Variants in GALNT10 observed in about 807,000 individuals in gnomAD.
The protein encoded by GALNT10 is polypeptide N-acetylgalactosaminyltransferase 10.
In GALNT10, 41 loss-of-function variants were observed where a neutral mutation model predicts 75.0. The ratio of observed to expected loss-of-function variants is 0.55; its 90% CI spans 0.43 to 0.71. The LOEUF (loss-of-function observed/expected upper bound fraction) is 0.71, where lower values mean the gene tolerates loss of function less well. Among genes scored for constraint, GALNT10 ranks in the 30% least tolerant of loss-of-function variants. The pLI is 0.00. For missense variants in GALNT10, 727 were observed against 818.5 expected (o/e 0.89, Z 1.36); for synonymous variants, 302 against 313.0 (o/e 0.96, Z 0.37).
In GALNT10 at chr5:154,293,612, TA is replaced by T. The variant is rs1427981850; in HGVS notation, c.160-1203del. Among the ~76,000 whole-genome samples the T allele has an allele frequency of 3.5e-3, 342 of 97,810 alleles. 10 individuals are homozygous for T. The highest frequency in any genetic ancestry group is 0.013 in the African/African-American group (321 of 23,920). 64.2% of individuals were successfully genotyped at this position (97,810 alleles called of 152,430 possible). ...TGGGGCTGATATATATATATATATATATTTTTTTTTTCCTTTCAGCCATTCA... is the reference window on the plus strand; with the variant it reads ...TGGGGCTGATATATATATATATATATTTTTTTTTTTCCTTTCAGCCATTCA... On this transcript the variant is annotated intron_variant, in intron 1 of 11. Coordinates refer to ENST00000297107, the MANE Select transcript of GALNT10 (RefSeq NM_198321.4).
At chr5:154,192,721 A>T (rs549525578) in intron 1 of GALNT10, among the ~76,000 whole-genome samples, 1 of 152,254 alleles carries the variant, frequency 6.6e-6, no homozygotes, top group African/African-American at 2.4e-5. Flanking sequence ...GAGGCTCCAT[A>T]CTGGACACAG....
intron 1 of GALNT10, among the ~76,000 whole-genome samples, chr5:154,280,731 T>C (rs1754027383): frequency 6.6e-6 from 1 of 152,216 alleles, no homozygotes; most frequent in Admixed American, 6.5e-5. Flanking sequence ...TTTTCTCACA[T>C]ACTTTCTTCT....
chr5:154,314,147 C>T lies in GALNT10; in HGVS notation c.402-15425C>T, dbSNP rs545092303. ...GTACCAGGTGCATTCACATATGGCA[C>T]CTCTTTTATTCCTTGTGACAGCCTT... On this transcript the variant is annotated intron_variant, in intron 3 of 11. Coordinates refer to ENST00000297107, the MANE Select transcript of GALNT10 (RefSeq NM_198321.4). 3.2e-4 allele frequency among the ~76,000 whole-genome samples: 48 copies of T among 152,228 alleles called. No homozygotes were observed. The South Asian group carries it at 9.7e-3, about 31-fold the overall frequency.
intron 4 of GALNT10, among the ~76,000 whole-genome samples, chr5:154,362,554 A>G (rs1755407010): frequency 6.6e-6 from 1 of 152,210 alleles, no homozygotes; most frequent in African/African-American, 2.4e-5. Context: ...AGGAGCTCAG[A>G]GGTTAAAGGA....
rs1756525852 is a variant in GALNT10, at chr5:154,416,962, A to G, written c.1802A>G (p.Asn601Ser). 4 of 1,614,152 alleles carry G rather than the reference A, an allele frequency of 2.5e-6. No individual in the cohort carries two copies. The African/African-American group carries it at 4.0e-5, about 16-fold the overall frequency. Residue 601 changes from asparagine to serine, a missense_variant, in exon 12 of 12, where the codon AAT (asparagine) becomes AGT (serine). Transcript: ENST00000297107. This position sits in a 1 kb window ranked among gnomAD's most constrained non-coding sequence, Gnocchi z 4.5. ...AACTCAACAGTCTTGGAAAAATTCA[A>G]TAGGAACTGAGCCCTCATGTCCCCT... ...HTNSTVLEKF[N>S]RN
chr5:154,315,561 C>T (rs1754583954), intron 3 of GALNT10, among the ~76,000 whole-genome samples: 1 of 152,222 alleles, frequency 6.6e-6, no homozygotes, highest in Non-Finnish European at 1.5e-5. Context: ...GTTGTGTCCT[C>T]AAGAAAGAGA....
intron 5 of GALNT10, among the ~76,000 whole-genome samples, chr5:154,379,667 A>G (rs1755704730): frequency 6.6e-6 from 1 of 152,238 alleles, no homozygotes; most frequent in Non-Finnish European, 1.5e-5. Context: ...TAGGTTGGAC[A>G]GACTCGATTT....
At chr5:154,382,493 G>A (rs1051558158) in intron 6 of GALNT10, among the ~76,000 whole-genome samples, 1 of 152,152 alleles carries the variant, frequency 6.6e-6, no homozygotes, top group Non-Finnish European at 1.5e-5. Context: ...CCAACACCAG[G>A]AGTAACTAAC....
intron 1 of GALNT10, among the ~76,000 whole-genome samples, chr5:154,290,699 C>T (rs1206916494): frequency 6.6e-6 from 1 of 152,118 alleles, no homozygotes; most frequent in Non-Finnish European, 1.5e-5. Context: ...AATTGAGGTA[C>T]CTGTGACTCC....
chr5:154,274,272 C>T (rs1281456403), intron 1 of GALNT10, among the ~76,000 whole-genome samples: 3 of 152,150 alleles, frequency 2.0e-5, no homozygotes, highest in Non-Finnish European at 2.9e-5. Flanking sequence ...CCAGGTAAAA[C>T]TGAACCTGGG....
intron 7 of GALNT10, among the ~76,000 whole-genome samples, chr5:154,400,134 T>A (rs1481056043): frequency 2.6e-5 from 4 of 152,000 alleles, no homozygotes; most frequent in African/African-American, 9.7e-5. Context: ...GGAGACCCTG[T>A]CTCGAAAAGA....
chr5:154,342,189 G>A (rs918379632), intron 4 of GALNT10, among the ~76,000 whole-genome samples: 2 of 152,190 alleles, frequency 1.3e-5, no homozygotes, highest in African/African-American at 2.4e-5. Flanking sequence ...TTATGGGAAT[G>A]AGATGAAATT....
chr5:154,311,148 T>C (rs569466027), intron 3 of GALNT10, among the ~76,000 whole-genome samples: 104 of 152,344 alleles, frequency 6.8e-4, no homozygotes, highest in African/African-American at 2.4e-3. Context: ...TTTTATTATT[T>C]CTGCAAACAG....
chr5:154,279,802 G>A (rs1362015295), intron 1 of GALNT10, among the ~76,000 whole-genome samples: 1 of 151,998 alleles, frequency 6.6e-6, no homozygotes, highest in East Asian at 1.9e-4. Flanking sequence ...TGCCCAGGCT[G>A]GTATGAGTTC....
chr5:154,217,410 G>A (rs1428088256), intron 1 of GALNT10, among the ~76,000 whole-genome samples: 1 of 152,240 alleles, frequency 6.6e-6, no homozygotes, highest in South Asian at 2.1e-4. Flanking sequence ...TTGTTGTGAG[G>A]GGCAAGGGAG....
At chr5:154,191,989 C>T (rs1774867160) in intron 1 of GALNT10, among the ~76,000 whole-genome samples, 2 of 152,260 alleles carry the variant, frequency 1.3e-5, no homozygotes, top group Non-Finnish European at 2.9e-5. Flanking sequence ...CACTCCCACC[C>T]TCCCAGGAGG....
At chr5:154,203,741 A>AC (rs1212990241) in intron 1 of GALNT10, among the ~76,000 whole-genome samples, 4 of 152,116 alleles carry the variant, frequency 2.6e-5, no homozygotes, top group Non-Finnish European at 4.4e-5. Context: ...CTAGCAGGAC[A>AC]CTCCCTTGGA....
intron 1 of GALNT10, among the ~76,000 whole-genome samples, chr5:154,231,971 C>T (rs1006050821): frequency 1.3e-5 from 2 of 152,208 alleles, no homozygotes; most frequent in South Asian, 2.1e-4. Context: ...CACATGTCCT[C>T]ACTGTATATC....
At chr5:154,370,157 T>G (rs908479494) in intron 4 of GALNT10, among the ~76,000 whole-genome samples, 5 of 152,202 alleles carry the variant, frequency 3.3e-5, no homozygotes, top group Non-Finnish European at 7.3e-5. Context: ...GACCTTGTCT[T>G]GAAGTGAAGG....
Sources: gnomAD v4.1 joint callset for allele counts (sites outside exome capture counted in the v4.1 genomes callset) on GRCh38, gnomAD v4.1.1 for gene constraint, Gnocchi (gnomAD v3.1) non-coding constraint, MANE v1.5 for transcripts, NCBI Gene and HGNC (gene_info 2026-07-23, HGNC 2026-07-21) for gene names.